ATP10B: variants seen among roughly 807,000 people sequenced by gnomAD.
ATP10B encodes phospholipid-transporting ATPase VB.
ATP10B carries 122 observed loss-of-function variants against 141.2 expected under a neutral mutation model. The ratio of observed to expected loss-of-function variants is 0.86; its 90% CI spans 0.75 to 1.00. The LOEUF (loss-of-function observed/expected upper bound fraction) is 1.00. Ranked by LOEUF, ATP10B falls within the 50% of genes least tolerant of loss-of-function variation. The pLI is 0.00. For missense variants in ATP10B, 1,876 were observed against 1,825.3 expected, an observed-to-expected ratio of 1.03 and a Z score of -0.51; for synonymous variants, 685 against 692.0, an observed-to-expected ratio of 0.99 and a Z score of 0.16.
At chr5:160,584,603 C>T (rs771118818) in intron 24 of ATP10B, among the ~76,000 whole-genome samples, 41 of 152,064 alleles carry the variant, frequency 2.7e-4, no homozygotes, top group Non-Finnish European at 5.1e-4. Flanking sequence ...AAAAACTGAA[C>T]TCTTATGGAA....
chr5:160,610,421 C>T (rs564683007), intron 18 of ATP10B, among the ~76,000 whole-genome samples: 1 of 152,258 alleles, frequency 6.6e-6, no homozygotes, highest in South Asian at 2.1e-4. Flanking sequence ...ACAGCCCTGA[C>T]CAACAGCTTG....
At chr5:160,773,387 T>G (rs185589222) in intron 2 of ATP10B, among the ~76,000 whole-genome samples, 1 of 152,120 alleles carries the variant, frequency 6.6e-6, no homozygotes, top group Non-Finnish European at 1.5e-5. Flanking sequence ...ACCAGCCACA[T>G]GCATATTTTA....
At chr5:160,922,590 A>G in the ATP10B span, among the ~76,000 whole-genome samples, 2 of 152,242 alleles carry the variant, frequency 1.3e-5, no homozygotes, top group African/African-American at 4.8e-5. Flanking sequence ...CAATGTGTCT[A>G]CAAAGAATTC....
chr5:160,907,245 A>G, the ATP10B span, among the ~76,000 whole-genome samples: 1 of 151,886 alleles, frequency 6.6e-6, no homozygotes, highest in Non-Finnish European at 1.5e-5. Context: ...TTTTCTAGAT[A>G]GAGCCTGTTT....
chr5:160,725,787 A>G (rs1049830132), intron 2 of ATP10B, among the ~76,000 whole-genome samples: 1 of 152,192 alleles, frequency 6.6e-6, no homozygotes, highest in African/African-American at 2.4e-5. Context: ...GCCTGTTGCC[A>G]TTGATTATTC....
At chr5:160,701,318 T>A (rs2127761031) in intron 3 of ATP10B, among the ~76,000 whole-genome samples, 1 of 152,318 alleles carries the variant, frequency 6.6e-6, no homozygotes, top group African/African-American at 2.4e-5. Context: ...CCCTGTCTTT[T>A]GTTATCCTCT....
intron 2 of ATP10B, among the ~76,000 whole-genome samples, chr5:160,758,225 T>C (rs1224523914): frequency 5.3e-5 from 8 of 152,280 alleles, no homozygotes; most frequent in Admixed American, 3.9e-4. Context: ...ACTGGGTAGA[T>C]AGCTGAAGGA....
chr5:160,644,400 T>G (rs1329423706), intron 8 of ATP10B, among the ~76,000 whole-genome samples, 156 bp from the exon 9 acceptor site: 56 of 152,148 alleles, frequency 3.7e-4, no homozygotes, highest in Admixed American at 3.5e-3. Flanking sequence ...ATCTCCTTCA[T>G]GTTCAAGGGT....
chr5:160,896,736 AAAC>A, the ATP10B span, among the ~76,000 whole-genome samples: 2 of 151,624 alleles, frequency 1.3e-5, no homozygotes, highest in Non-Finnish European at 1.5e-5. Context: ...GGCAGCAACA[AAAC>A]AACAACAAAT....
At chr5:160,814,705 G>A (rs1773461974) in intron 1 of ATP10B, among the ~76,000 whole-genome samples, 1 of 151,982 alleles carries the variant, frequency 6.6e-6, no homozygotes, top group Admixed American at 6.6e-5. Flanking sequence ...AAGTTGAAAT[G>A]AAGGAAAAAA....
chr5:160,916,326 T>A, the ATP10B span, among the ~76,000 whole-genome samples: 1,319 of 152,190 alleles, frequency 8.7e-3, 20 homozygotes, highest in African/African-American at 0.03. Context: ...TTAGGCAAAT[T>A]TCTTATTTGG....
intron 2 of ATP10B, among the ~76,000 whole-genome samples, chr5:160,752,968 G>T (rs1768262774): frequency 6.6e-6 from 1 of 152,120 alleles, no homozygotes; most frequent in Non-Finnish European, 1.5e-5. Flanking sequence ...TCTGCTTTAA[G>T]AATTACATTT....
chr5:160,725,532 G>A (rs867865393), intron 2 of ATP10B, among the ~76,000 whole-genome samples: 5 of 151,706 alleles, frequency 3.3e-5, no homozygotes, highest in Admixed American at 6.6e-5. Flanking sequence ...TGCAAGCTCC[G>A]CCTCCCGGGT....
At chr5:160,843,352 C>A (rs73305852) in intron 1 of ATP10B, among the ~76,000 whole-genome samples, 3 of 151,952 alleles carry the variant, frequency 2.0e-5, no homozygotes, top group Middle Eastern at 3.2e-3. Flanking sequence ...TACTTAATTG[C>A]CTTACCTACT....
At chr5:160,685,931 C>A in intron 6 of ATP10B, 148 bp downstream of exon 6, 1 of 652,190 alleles carries the variant, frequency 1.5e-6, no homozygotes, top group Non-Finnish European at 2.4e-6. Flanking sequence ...TAAATGCCCA[C>A]TAGGGGTCGA....
intron 19 of ATP10B, among the ~76,000 whole-genome samples, chr5:160,604,329 A>G (rs1581187338): frequency 1.3e-5 from 2 of 152,200 alleles, no homozygotes; most frequent in South Asian, 4.1e-4. Flanking sequence ...AGACTTGGGC[A>G]GTTTTCAAAA....
At chr5:160,575,097 G>A (rs1439566781) in intron 24 of ATP10B, among the ~76,000 whole-genome samples, 1 of 151,862 alleles carries the variant, frequency 6.6e-6, no homozygotes, top group African/African-American at 2.4e-5. Flanking sequence ...AAATCCTTTG[G>A]GTCTAATGTT....
intron 24 of ATP10B, among the ~76,000 whole-genome samples, chr5:160,589,016 G>A (rs1561630311): frequency 6.6e-6 from 1 of 151,932 alleles, no homozygotes; most frequent in Non-Finnish European, 1.5e-5. Context: ...AACTGTTTTT[G>A]TTTTTTGTTT....
chr5:160,702,504 C>G (rs1337367756), intron 3 of ATP10B, among the ~76,000 whole-genome samples: 6 of 152,200 alleles, frequency 3.9e-5, no homozygotes, highest in Non-Finnish European at 4.4e-5. Flanking sequence ...TGCAATTTCA[C>G]TTGGGATCTC....
Sources: allele counts gnomAD v4.1 joint callset (sites outside exome capture counted in the v4.1 genomes callset), GRCh38; gene constraint gnomAD v4.1.1; transcripts MANE v1.5; gene names NCBI Gene and HGNC (gene_info 2026-07-23, HGNC 2026-07-21).